Variants in POP1 observed in about 807,000 individuals in gnomAD.
POP1 encodes the protein ribonucleases P/MRP protein subunit POP1.
A neutral mutation model predicts 102.2 loss-of-function variants in POP1; 75 were observed. The observed-to-expected ratio is 0.73, with a 90% CI of 0.61 to 0.89. The LOEUF (loss-of-function observed/expected upper bound fraction) is 0.89, where lower values mean the gene tolerates loss of function less well. Ranked by LOEUF, POP1 falls within the 40% of genes least tolerant of loss-of-function variation. The probability of loss-of-function intolerance (pLI) is 0.00; values close to 1 mark genes in which losing one functional copy is unlikely to be tolerated. For missense variants in POP1, 1,116 were observed against 1,267.4 expected, an observed-to-expected ratio of 0.88 and a Z score of 1.81; for synonymous variants, 436 against 464.1, an observed-to-expected ratio of 0.94 and a Z score of 0.78.
intron 11 of POP1, among the ~76,000 whole-genome samples, chr8:98,145,716 G>A (rs539823309): frequency 2.6e-5 from 4 of 152,204 alleles, no homozygotes; most frequent in African/African-American, 7.2e-5. Flanking sequence ...GACCAGCCTA[G>A]CCAACACGGT....
Position 98,148,965 on chromosome 8 carries a change from C to G in POP1, c.1861C>G (p.Leu621Val). 6.2e-7 allele frequency: 1 copy of G among 1,613,626 alleles called. No individual in the cohort carries two copies. The highest frequency in any genetic ancestry group is 8.5e-7 in the Non-Finnish European group (1 of 1,179,744). The change falls in exon 13 of 16, where the codon CTA becomes GTA. Residue 621 changes from leucine to valine, a missense_variant. Transcript: ENST00000401707. ...AGGCTGGGGAAGTGGCTGGGATGTCCTACTCCCAAAGGGCTGGGGCATGGC... is the reference window on the plus strand; with the variant it reads ...AGGCTGGGGAAGTGGCTGGGATGTCGTACTCCCAAAGGGCTGGGGCATGGC... ...RLGWGSGWDV[L>V]LPKGWGMAFW...
In POP1 at chr8:98,117,384, C is replaced by T. The variant is rs888428699; in HGVS notation, c.-9C>T. 1 of 446,454 alleles carries T rather than the reference C, an allele frequency of 2.2e-6. No homozygotes were observed. Among genetic ancestry groups the T allele is most frequent in the Non-Finnish European group, 4.1e-6 (1 of 243,618 alleles). The allele number at this position is 446,454 out of a possible 1,614,324, so 27.7% of individuals were successfully genotyped here. On this transcript the variant is annotated 5_prime_UTR_variant, in exon 1 of 16. Coordinates refer to ENST00000401707, the MANE Select transcript of POP1 (RefSeq NM_001145860.2). ...CTGACCCGGGGATTCCTCACAGCGT[C>T]TGGCAGGTTGGTCGTGAGGGGCTGG...
At chr8:98,133,876 C>A in intron 5 of POP1, 73 bp from the exon 6 acceptor site, 1 of 1,109,740 alleles carries the variant, frequency 9.0e-7, no homozygotes, top group Non-Finnish European at 1.4e-6. Context: ...TTTTGTGATA[C>A]GGCTTTTGGC....
At chr8:98,131,449 TGAA>T (rs1816377659) in intron 5 of POP1, among the ~76,000 whole-genome samples, 1 of 152,258 alleles carries the variant, frequency 6.6e-6, no homozygotes. Flanking sequence ...CTTTTAAGGC[TGAA>T]GATGTATTCC....
At chr8:98,141,979 A>G (rs1479600193) in intron 11 of POP1, among the ~76,000 whole-genome samples, 2 of 152,118 alleles carry the variant, frequency 1.3e-5, no homozygotes, top group Admixed American at 6.6e-5. Flanking sequence ...GAAGATATAT[A>G]GGTAAGTTAG....
chr8:98,149,063 G>A, intron 13 of POP1, 57 bp downstream of exon 13: 2 of 1,466,994 alleles, frequency 1.4e-6, no homozygotes, highest in South Asian at 1.2e-5. Flanking sequence ...CCTAATAAAT[G>A]CTAAGTACTC....
intron 3 of POP1, 95 bp downstream of exon 3, chr8:98,127,857 T>C: frequency 7.7e-7 from 1 of 1,303,510 alleles, no homozygotes; most frequent in Non-Finnish European, 1.1e-6. Context: ...TGGCTCTGCC[T>C]CCCCTACCTC....
chr8:98,153,235 G>C (rs1035874294), intron 14 of POP1, among the ~76,000 whole-genome samples: 2 of 152,176 alleles, frequency 1.3e-5, no homozygotes, highest in Admixed American at 1.3e-4. Context: ...CTCCCAAAAT[G>C]CTGGGATTAC....
At chr8:98,136,449 G>C (rs1276512771) in intron 7 of POP1, 33 bp from the exon 8 acceptor site, 2 of 1,561,700 alleles carry the variant, frequency 1.3e-6, no homozygotes, top group Admixed American at 3.9e-5. Context: ...TAAATTTCAA[G>C]ATTTTAAAGT....
At chr8:98,147,171 T>A (rs1261581945) in intron 12 of POP1, among the ~76,000 whole-genome samples, 1 of 152,152 alleles carries the variant, frequency 6.6e-6, no homozygotes, top group Non-Finnish European at 1.5e-5. Flanking sequence ...TTAGATGTGG[T>A]CAAAGAAGTA....
rs947374058 is a variant in POP1, at chr8:98,159,816, T to G, written c.*1545T>G. On this transcript the variant is annotated 3_prime_UTR_variant, in exon 16 of 16. Transcript: ENST00000401707. ...AACTAAGTGGCATCTGTAAACAGAA[T>G]AAATGAAAATGTCACCTGATGTTCA... is the stretch of plus-strand genomic sequence containing the variant. 2 of 151,966 alleles carry G rather than the reference T, an allele frequency of 1.3e-5. No homozygotes were observed. The highest frequency in any genetic ancestry group is 2.9e-5 in the Non-Finnish European group (2 of 68,006). 9.4% of individuals were successfully genotyped at this position (151,966 alleles called of 1,614,324 possible). A position where few individuals can be genotyped will look rare whatever the true frequency, so the allele number is the denominator to read the frequency against.
chr8:98,128,633 C>T, intron 4 of POP1, 93 bp downstream of exon 4: 4 of 1,435,882 alleles, frequency 2.8e-6, no homozygotes, highest in Non-Finnish European at 3.8e-6. Flanking sequence ...AAAATGAAAA[C>T]CAAGGCTGGG....
At chr8:98,144,705 C>T (rs1384587566) in intron 11 of POP1, among the ~76,000 whole-genome samples, 1 of 152,146 alleles carries the variant, frequency 6.6e-6, no homozygotes, top group African/African-American at 2.4e-5. Context: ...TTCCCGAAAT[C>T]CGTGGCAGTG....
intron 1 of POP1, chr8:98,117,837 A>T (rs1382107078): frequency 6.6e-6 from 1 of 152,334 alleles, no homozygotes; most frequent in Non-Finnish European, 1.5e-5. Flanking sequence ...AGAAAGAAAG[A>T]TGGTGATCTG....
At chr8:98,137,188 G>C (rs1320497578) in intron 9 of POP1, among the ~76,000 whole-genome samples, 1 of 152,178 alleles carries the variant, frequency 6.6e-6, no homozygotes, top group African/African-American at 2.4e-5. Context: ...GACTGCTCTT[G>C]CATCTGTGAG....
At position 98,150,685 on chromosome 8, in the gene POP1, G is replaced by A. The variant is rs117915472; in HGVS notation, c.2057+46G>A. On this transcript the variant is annotated intron_variant, in intron 14 of 15. Coordinates refer to ENST00000401707, the MANE Select transcript of POP1 (RefSeq NM_001145860.2). The stretch of plus-strand genomic sequence containing the variant: ...ATTTGATAATGTATTAAGGAAAAGA[G>A]AAGTGCCTGCTTATATTGGTATCCC... 3,128 of 1,582,960 alleles carry A rather than the reference G, an allele frequency of 2.0e-3. 58 individuals are homozygous for A. The East Asian group carries it at 0.023, about 12-fold the overall frequency.
intron 9 of POP1, among the ~76,000 whole-genome samples, chr8:98,138,496 C>G (rs1442181918): frequency 6.6e-6 from 1 of 152,250 alleles, no homozygotes; most frequent in African/African-American, 2.4e-5. Flanking sequence ...GCATTTCCCT[C>G]TAGCATCCTT....
chr8:98,156,299 A>G lies in POP1; in HGVS notation c.2307A>G (p.Ala769=). 6.2e-7 allele frequency: 1 copy of G among 1,614,188 alleles called. No homozygotes were observed. The highest frequency in any genetic ancestry group is 1.7e-5 in the Admixed American group (1 of 60,028). The change falls in exon 15 of 16, where the codon GCA becomes GCG. Residue 769 remains alanine (A), a synonymous_variant. Coordinates refer to ENST00000401707, the MANE Select transcript of POP1 (RefSeq NM_001145860.2). Reference sequence around the variant, plus strand: ...CATCCATAGAGCACCCCAGGGAGGCAGAGGAGGTAATGGATGCAGGGTGTC... The same window carrying G: ...CATCCATAGAGCACCCCAGGGAGGCGGAGGAGGTAATGGATGCAGGGTGTC... ...VGTSIEHPRE[A]EEVMDAGCQE... is the part of the protein sequence containing the mutation.
intron 5 of POP1, among the ~76,000 whole-genome samples, chr8:98,133,630 C>T (rs148059487): frequency 3.8e-4 from 58 of 152,258 alleles, no homozygotes; most frequent in African/African-American, 1.4e-3. Flanking sequence ...TAGAACCTGT[C>T]TATGAATATG....
Sources: gnomAD v4.1 joint callset for allele counts (sites outside exome capture counted in the v4.1 genomes callset) on GRCh38, gnomAD v4.1.1 for gene constraint, MANE v1.5 for transcripts, NCBI Gene and HGNC (gene_info 2026-07-23, HGNC 2026-07-21) for gene names.